Variants in IL18R1 observed in about 807,000 individuals in gnomAD.
The protein encoded by IL18R1 is interleukin 18 receptor 1, also known as interleukin-18 receptor 1.
IL18R1 carries 40 observed loss-of-function variants against 48.5 expected under a neutral mutation model. The ratio of observed to expected loss-of-function variants is 0.82; its 90% CI spans 0.64 to 1.07. IL18R1 has a LOEUF of 1.07. Ranked by LOEUF, IL18R1 falls within the 50% of genes least tolerant of loss-of-function variation. The pLI is 0.00. For missense variants in IL18R1, 596 were observed against 633.7 expected (o/e 0.94, Z 0.64); for synonymous variants, 232 against 225.9 (o/e 1.03, Z -0.24).
intron 2 of IL18R1, among the ~76,000 whole-genome samples, chr2:102,364,007 T>C (rs767646082): frequency 3.9e-5 from 6 of 152,196 alleles, no homozygotes; most frequent in Non-Finnish European, 7.3e-5. Flanking sequence ...ATTATGGTAA[T>C]CAACAAAGCC....
intron 10 of IL18R1, among the ~76,000 whole-genome samples, chr2:102,396,209 T>G (rs1011258641): frequency 1.3e-5 from 2 of 152,196 alleles, no homozygotes; most frequent in African/African-American, 4.8e-5. Context: ...AACCACTCTG[T>G]GCTCCGGCTT....
intron 7 of IL18R1, among the ~76,000 whole-genome samples, chr2:102,386,301 C>T (rs941904534): frequency 5.9e-5 from 9 of 152,190 alleles, no homozygotes; most frequent in African/African-American, 1.4e-4. Flanking sequence ...AGAAAAAGAA[C>T]GTGCTGCCAG....
chr2:102,368,708 C>A (rs187199634), intron 3 of IL18R1, among the ~76,000 whole-genome samples: 20 of 152,250 alleles, frequency 1.3e-4, no homozygotes, highest in Admixed American at 1.2e-3. Context: ...ATGAGCACAG[C>A]CAACTGAAAG....
intron 9 of IL18R1, among the ~76,000 whole-genome samples, chr2:102,393,260 G>A (rs890727390): frequency 6.7e-5 from 7 of 104,084 alleles, no homozygotes; most frequent in African/African-American, 5.3e-5. Context: ...TTTAAGAAAA[G>A]TTTGAGGGGG....
In IL18R1 at chr2:102,386,892, G is replaced by A. The variant is rs1326003087; in HGVS notation, c.841G>A (p.Val281Ile). 2 of 1,614,062 alleles carry A rather than the reference G, an allele frequency of 1.2e-6. No individual in the cohort carries two copies. The highest frequency in any genetic ancestry group is 2.7e-5 in the African/African-American group (2 of 74,930). ...AGAAGGCAAATGGCATGCTTCAAAA[G>A]TATTGAGAATTGAAAATATTGGTGA... Reference protein sequence around the residue: ...TPEGKWHASKVLRIENIGESN... With the variant: ...TPEGKWHASKILRIENIGESN... The change falls in exon 8 of 11, where the codon GTA becomes ATA. Residue 281 changes from valine to isoleucine, a missense_variant. Val to Ile is a conservative substitution (Grantham distance 29). Coordinates refer to ENST00000233957, the MANE Select transcript of IL18R1 (RefSeq NM_003855.5).
chr2:102,367,965 G>T lies in IL18R1; in HGVS notation c.199G>T (p.Glu67Ter). 6.2e-7 allele frequency: 1 copy of T among 1,614,228 alleles called. No individual in the cohort carries two copies. The highest frequency in any genetic ancestry group is 8.5e-7 in the Non-Finnish European group (1 of 1,180,048). Reference sequence around the variant, plus strand: ...AAGCAGTGGATCACAGGAACATGTGGAGCTGAACCCAAGGAGTTCCTCGAG... The same window carrying T: ...AAGCAGTGGATCACAGGAACATGTGTAGCTGAACCCAAGGAGTTCCTCGAG... ...YKSSGSQEHVELNPRSSSRIA... is the reference protein window; with the variant it reads ...YKSSGSQEHV The change falls in exon 3 of 11, where the codon GAG (glutamate) becomes TAG (stop). Residue 67 changes from glutamate (E) to a stop codon, truncating the protein, a stop_gained. Transcript: ENST00000233957. LOFTEE classifies it high-confidence loss of function.
intron 2 of IL18R1, among the ~76,000 whole-genome samples, chr2:102,366,084 T>C (rs904304312): frequency 5.3e-5 from 8 of 152,204 alleles, no homozygotes; most frequent in Admixed American, 2.0e-4. Flanking sequence ...TCATTTCTTA[T>C]GCAAATTTCT....
At chr2:102,378,969 T>G (rs1302571327) in intron 5 of IL18R1, among the ~76,000 whole-genome samples, 9 of 152,214 alleles carry the variant, frequency 5.9e-5, no homozygotes, top group African/African-American at 2.2e-4. Flanking sequence ...GTTGTGTCTT[T>G]ATTACAGTCC....
At chr2:102,366,880 C>T (rs1299193019) in intron 2 of IL18R1, among the ~76,000 whole-genome samples, 1 of 152,162 alleles carries the variant, frequency 6.6e-6, no homozygotes, top group Admixed American at 6.5e-5. Context: ...ACATCACTTC[C>T]TCTTTATGTT....
At chr2:102,379,315 G>A (rs1237406404) in intron 5 of IL18R1, among the ~76,000 whole-genome samples, 4 of 152,018 alleles carry the variant, frequency 2.6e-5, no homozygotes, top group South Asian at 2.1e-4. Flanking sequence ...TTGGTGGTGG[G>A]CACCTGTAAT....
rs1272707343 is a variant in IL18R1, at chr2:102,368,043, A to G, written c.277A>G (p.Thr93Ala). ...GTTTTGGCCAGTTGAGTTGAATGAC[A>G]CAGGATCTTACTTTTTCCAAATGAA... ...LEFWPVELND[T>A]GSYFFQMKNY... is the part of the protein sequence containing the mutation. The change falls in exon 3 of 11, where the codon ACA becomes GCA. Residue 93 changes from threonine (T) to alanine (A), a missense_variant. Thr to Ala is a moderately conservative substitution (Grantham distance 58). Transcript: ENST00000233957. 3 of 1,614,200 alleles carry G rather than the reference A, an allele frequency of 1.9e-6. No homozygotes were observed. Among genetic ancestry groups the G allele is most frequent in the East Asian group, 2.2e-5 (1 of 44,876 alleles).
At chr2:102,395,866 G>A (rs905091863) in intron 10 of IL18R1, among the ~76,000 whole-genome samples, 1 of 152,154 alleles carries the variant, frequency 6.6e-6, no homozygotes, top group African/African-American at 2.4e-5. Context: ...TTGAAACACA[G>A]CCACGCACAT....
chr2:102,388,541 C>A (rs1304613335), intron 8 of IL18R1, among the ~76,000 whole-genome samples: 1 of 152,118 alleles, frequency 6.6e-6, no homozygotes, highest in Non-Finnish European at 1.5e-5. Flanking sequence ...CCAGGCTTTC[C>A]TGGGGCCTGC....
chr2:102,365,937 G>T (rs1337912329), intron 2 of IL18R1, among the ~76,000 whole-genome samples: 1 of 152,176 alleles, frequency 6.6e-6, no homozygotes, highest in African/African-American at 2.4e-5. Context: ...CACACAGAAA[G>T]GGACCCTGGG....
intron 9 of IL18R1, among the ~76,000 whole-genome samples, chr2:102,390,769 TA>T (rs1680516513): frequency 6.6e-6 from 1 of 151,636 alleles, no homozygotes; most frequent in African/African-American, 2.4e-5. Flanking sequence ...CTGTCTCTAC[TA>T]AAAATACAAA....
chr2:102,390,365 A>G, intron 9 of IL18R1, 148 bp downstream of exon 9: 1 of 738,414 alleles, frequency 1.4e-6, no homozygotes, highest in Admixed American at 2.8e-5. Context: ...TGCCTGTACC[A>G]TCCATTATGA....
rs941247784 is a variant in IL18R1, at chr2:102,356,005, C to A, written c.-424C>A. On this transcript the variant is annotated 5_prime_UTR_variant, in exon 1 of 11. Transcript: ENST00000233957. The stretch of plus-strand genomic sequence containing the variant: ...CACCCGGACCGGAGGGTCCCCAGAC[C>A]GGGACCTCCGAGTCAGGGAGGATTC... 1 of 152,190 alleles carries A rather than the reference C, an allele frequency of 6.6e-6. No homozygotes were observed. Among genetic ancestry groups the A allele is most frequent in the Non-Finnish European group, 1.5e-5 (1 of 68,082 alleles). The allele number at this position is 152,190 out of a possible 1,614,324, so 9.4% of individuals were successfully genotyped here.
At chr2:102,364,896 A>G (rs1178824545) in intron 2 of IL18R1, among the ~76,000 whole-genome samples, 1 of 152,144 alleles carries the variant, frequency 6.6e-6, no homozygotes, top group Non-Finnish European at 1.5e-5. Context: ...ATCAGATCTT[A>G]TGAGAACTCA....
intron 5 of IL18R1, among the ~76,000 whole-genome samples, chr2:102,378,354 G>A (rs769004411): frequency 6.6e-6 from 1 of 152,180 alleles, no homozygotes; most frequent in Non-Finnish European, 1.5e-5. Context: ...TCGTAGGGTT[G>A]GCTGACAATG....
Sources: allele counts gnomAD v4.1 joint callset (sites outside exome capture counted in the v4.1 genomes callset), GRCh38; gene constraint gnomAD v4.1.1; transcripts MANE v1.5; gene names NCBI Gene and HGNC (gene_info 2026-07-23, HGNC 2026-07-21).